COL25A1: variants seen among roughly 807,000 people sequenced by gnomAD.
The protein encoded by COL25A1 is collagen type XXV alpha 1 chain.
In COL25A1, 103 loss-of-function variants were observed where a neutral mutation model predicts 128.4. The ratio of observed to expected loss-of-function variants is 0.80; its 90% CI spans 0.68 to 0.94. The LOEUF is 0.94. Among genes scored for constraint, COL25A1 ranks in the 40% least tolerant of loss-of-function variants. COL25A1 has a pLI of 0.00. For missense variants in COL25A1, 745 were observed against 840.0 expected, an observed-to-expected ratio of 0.89 and a Z score of 1.40; for synonymous variants, 279 against 277.2, an observed-to-expected ratio of 1.01 and a Z score of -0.06.
At chr4:109,106,254 C>A (rs1415183590) in intron 3 of COL25A1, among the ~76,000 whole-genome samples, 1 of 152,160 alleles carries the variant, frequency 6.6e-6, no homozygotes, top group Non-Finnish European at 1.5e-5. Context: ...GCCACAAGCA[C>A]CATTTCTTAA....
intron 10 of COL25A1, 53 bp from the exon 11 acceptor site, chr4:108,937,896 A>C (rs539387833): frequency 2.1e-6 from 3 of 1,442,316 alleles, no homozygotes; most frequent in African/African-American, 1.4e-5. Flanking sequence ...TTAAAAAAAA[A>C]CCCTTCAATC....
intron 8 of COL25A1, among the ~76,000 whole-genome samples, chr4:108,957,111 A>G (rs1750156127): frequency 6.6e-6 from 1 of 152,178 alleles, no homozygotes; most frequent in East Asian, 1.9e-4. Flanking sequence ...ATACACAGGT[A>G]GGTTTTATCC....
intron 8 of COL25A1, among the ~76,000 whole-genome samples, chr4:108,952,579 T>A (rs1749561381): frequency 6.6e-6 from 1 of 152,150 alleles, no homozygotes; most frequent in African/African-American, 2.4e-5. Context: ...TGGCGCAGTA[T>A]AAAAATAGCA....
At chr4:108,977,933 G>A (rs371350315) in intron 6 of COL25A1, among the ~76,000 whole-genome samples, 24 of 152,276 alleles carry the variant, frequency 1.6e-4, no homozygotes, top group East Asian at 1.2e-3. Context: ...AGATTTCACA[G>A]GCCACATCTC....
chr4:109,166,304 T>C (rs1039658427), intron 3 of COL25A1, among the ~76,000 whole-genome samples: 8 of 152,364 alleles, frequency 5.3e-5, no homozygotes, highest in African/African-American at 1.2e-4. Flanking sequence ...TCACTACTTA[T>C]GCTTAAACAT....
At chr4:109,014,656 A>G (rs555476978) in intron 5 of COL25A1, among the ~76,000 whole-genome samples, 9 of 152,358 alleles carry the variant, frequency 5.9e-5, no homozygotes, top group Middle Eastern at 3.4e-3. Flanking sequence ...GTTTACTACT[A>G]AAAACTGACA....
chr4:109,013,820 T>A (rs889813616), intron 5 of COL25A1, among the ~76,000 whole-genome samples: 2 of 152,122 alleles, frequency 1.3e-5, no homozygotes, highest in Non-Finnish European at 2.9e-5. Flanking sequence ...CACACCATCT[T>A]TAAGAACTGT....
intron 5 of COL25A1, among the ~76,000 whole-genome samples, chr4:109,020,945 T>G (rs1757689645): frequency 6.6e-6 from 1 of 152,234 alleles, no homozygotes; most frequent in Admixed American, 6.5e-5. Context: ...CTTTTTGACT[T>G]TCACAATGGT....
intron 3 of COL25A1, among the ~76,000 whole-genome samples, chr4:109,218,365 T>TTTTTTTG (rs1578471173): frequency 1.6e-5 from 2 of 128,628 alleles, no homozygotes; most frequent in Admixed American, 7.7e-5. Context: ...GGGTTTTTTT[T>TTTTTTTG]TTTTTTTTTT....
chr4:109,032,362 C>T (rs1758946456), intron 5 of COL25A1, among the ~76,000 whole-genome samples: 1 of 152,170 alleles, frequency 6.6e-6, no homozygotes, highest in Admixed American at 6.5e-5. Context: ...CCAGGCACTG[C>T]AGTGATGCTA....
At chr4:108,832,210 T>C (rs1215054558) in intron 32 of COL25A1, among the ~76,000 whole-genome samples, 170 bp downstream of exon 32, 1 of 152,212 alleles carries the variant, frequency 6.6e-6, no homozygotes, top group Admixed American at 6.5e-5. Context: ...GCTCTGTGGT[T>C]TTCTTCTCTC....
chr4:109,015,411 T>A (rs944302317), intron 5 of COL25A1, among the ~76,000 whole-genome samples: 2 of 152,222 alleles, frequency 1.3e-5, no homozygotes, highest in African/African-American at 4.8e-5. Flanking sequence ...GTTGCCTTTT[T>A]AAAAATGGAA....
chr4:108,904,603 C>CA (rs901849590), intron 13 of COL25A1, among the ~76,000 whole-genome samples: 2 of 151,264 alleles, frequency 1.3e-5, no homozygotes, highest in Non-Finnish European at 3.0e-5. Context: ...AAGGTACAAA[C>CA]AAAAAAAATG....
chr4:108,934,014 A>G (rs1285651334), intron 11 of COL25A1, among the ~76,000 whole-genome samples: 2 of 152,258 alleles, frequency 1.3e-5, no homozygotes, highest in South Asian at 4.1e-4. Flanking sequence ...AAATCATGCT[A>G]CTATAAAGAC....
intron 2 of COL25A1, among the ~76,000 whole-genome samples, chr4:109,301,108 G>A (rs1439556616): frequency 6.6e-6 from 1 of 151,908 alleles, no homozygotes; most frequent in African/African-American, 2.4e-5. Context: ...CTAGTCTAAA[G>A]GTACCCTTAC....
At chr4:109,291,748 A>T (rs1302552112) in intron 3 of COL25A1, among the ~76,000 whole-genome samples, 1 of 152,120 alleles carries the variant, frequency 6.6e-6, no homozygotes. Flanking sequence ...TAAAAGAACA[A>T]GAACAATATT....
At chr4:108,985,006 A>G (rs1278981212) in intron 6 of COL25A1, among the ~76,000 whole-genome samples, 3 of 152,264 alleles carry the variant, frequency 2.0e-5, no homozygotes, top group African/African-American at 7.2e-5. Flanking sequence ...AGAGATACTC[A>G]GAAGGAATTA....
At chr4:108,996,489 A>G (rs1015497228) in intron 6 of COL25A1, among the ~76,000 whole-genome samples, 2 of 152,154 alleles carry the variant, frequency 1.3e-5, no homozygotes, top group African/African-American at 4.8e-5. Flanking sequence ...TTAGAGACCT[A>G]CAAAGAGACT....
chr4:109,008,071 T>C (rs1039256595), intron 6 of COL25A1, among the ~76,000 whole-genome samples: 2 of 152,216 alleles, frequency 1.3e-5, no homozygotes, highest in African/African-American at 4.8e-5. Context: ...GTCTTGTCTA[T>C]AAGACACGAG....
Sources: gnomAD v4.1 joint callset for allele counts (sites outside exome capture counted in the v4.1 genomes callset) on GRCh38, gnomAD v4.1.1 for gene constraint, MANE v1.5 for transcripts, NCBI Gene and HGNC (gene_info 2026-07-23, HGNC 2026-07-21) for gene names.